STK33: variants seen among roughly 807,000 people sequenced by gnomAD.
The protein encoded by STK33 is serine/threonine kinase 33.
In STK33, 52 loss-of-function variants were observed where a neutral mutation model predicts 58.0. That is an observed-to-expected ratio of 0.90 (90% confidence interval 0.72 to 1.13). The LOEUF is 1.13. STK33 is among the 50% of genes most tolerant of loss of function. STK33 has a pLI of 0.00. For missense variants in STK33, 630 were observed against 604.2 expected, an observed-to-expected ratio of 1.04 and a Z score of -0.45; for synonymous variants, 215 against 200.1, an observed-to-expected ratio of 1.07 and a Z score of -0.63.
chr11:8,398,443 A>C (rs1382494586), intron 15 of STK33, among the ~76,000 whole-genome samples: 2 of 152,246 alleles, frequency 1.3e-5, no homozygotes, highest in South Asian at 2.1e-4. Flanking sequence ...GCCTGCCCTA[A>C]AAGAGCTCCC....
At chr11:8,352,046 T>C in the STK33 span, among the ~76,000 whole-genome samples, 1 of 152,132 alleles carries the variant, frequency 6.6e-6, no homozygotes, top group Non-Finnish European at 1.5e-5. Flanking sequence ...ATTGCAACTG[T>C]CCCAACAAAT....
At chr11:8,495,857 CA>C in intron 1 of STK33, among the ~76,000 whole-genome samples, 1 of 148,944 alleles carries the variant, frequency 6.7e-6, no homozygotes, top group African/African-American at 2.5e-5. Context: ...GACAGAAAAC[CA>C]AACACCAAAT....
At chr11:8,471,030 C>A (rs1481138281) in intron 6 of STK33, among the ~76,000 whole-genome samples, 1 of 152,142 alleles carries the variant, frequency 6.6e-6, no homozygotes, top group Admixed American at 6.5e-5. Flanking sequence ...TTGTAAAAAA[C>A]ACAAGATCTG....
At chr11:8,484,778 T>A (rs1189242924) in intron 1 of STK33, among the ~76,000 whole-genome samples, 1 of 152,206 alleles carries the variant, frequency 6.6e-6, no homozygotes, top group African/African-American at 2.4e-5. Flanking sequence ...ATTTATTTGG[T>A]GAGTTTTTGA....
chr11:8,546,043 T>C (rs1020693743), intron 1 of STK33, among the ~76,000 whole-genome samples: 1 of 152,212 alleles, frequency 6.6e-6, no homozygotes, highest in African/African-American at 2.4e-5. Flanking sequence ...TATTTGTGTA[T>C]CTAAACATAG....
At chr11:8,575,776 A>G (rs1958136829) in intron 1 of STK33, among the ~76,000 whole-genome samples, 1 of 152,198 alleles carries the variant, frequency 6.6e-6, no homozygotes, top group African/African-American at 2.4e-5. Flanking sequence ...ACAGATCACG[A>G]CCAAGTAGGG....
chr11:8,578,813 G>A (rs953666790), intron 1 of STK33, among the ~76,000 whole-genome samples: 3 of 151,850 alleles, frequency 2.0e-5, no homozygotes, highest in Non-Finnish European at 4.4e-5. Context: ...TATATGCAGA[G>A]GCTCTATTGG....
At chr11:8,454,870 T>A in intron 9 of STK33, 38 bp from the exon 10 acceptor site, 1 of 1,491,714 alleles carries the variant, frequency 6.7e-7, no homozygotes, top group Middle Eastern at 1.9e-4. Flanking sequence ...ATGAAATGAA[T>A]AATGGAAAAA....
In STK33 at chr11:8,439,333, T is replaced by A. The variant is rs1316496407; in HGVS notation, c.947+1345A>T. Among the ~76,000 whole-genome samples the A allele has an allele frequency of 2.6e-4, 40 of 152,280 alleles. No individual in the cohort carries two copies. The East Asian group carries it at 7.7e-3, about 29-fold the overall frequency. ...ATATATATAATATTATAATATGGTTTTTAAAAGCTTTATGAGGATACATAA... is the reference window on the plus strand; with the variant it reads ...ATATATATAATATTATAATATGGTTATTAAAAGCTTTATGAGGATACATAA... On this transcript the variant is annotated intron_variant, in intron 12 of 15. Transcript: ENST00000687296.
At chr11:8,574,751 T>C (rs1958058884) in intron 1 of STK33, among the ~76,000 whole-genome samples, 1 of 152,024 alleles carries the variant, frequency 6.6e-6, no homozygotes, top group South Asian at 2.1e-4. Flanking sequence ...TATAAAAGGA[T>C]AATGAGGCTA....
chr11:8,469,228 T>C (rs1948536892), intron 6 of STK33, among the ~76,000 whole-genome samples: 1 of 152,242 alleles, frequency 6.6e-6, no homozygotes, highest in Non-Finnish European at 1.5e-5. Context: ...AAGTTAGTCC[T>C]CTCAAACCCT....
At chr11:8,481,844 C>A (rs11041945) in intron 1 of STK33, among the ~76,000 whole-genome samples, 15,218 of 152,004 alleles carry the variant, frequency 0.1, 1,836 homozygotes, top group African/African-American at 0.3. Context: ...TATTGTCAAA[C>A]CCAAGGGCTT....
At chr11:8,560,708 A>T (rs1957062091) in intron 1 of STK33, among the ~76,000 whole-genome samples, 1 of 152,150 alleles carries the variant, frequency 6.6e-6, no homozygotes, top group Admixed American at 6.6e-5. Context: ...ATTTTTACTG[A>T]ATGCTTACTT....
At chr11:8,377,539 C>T in the STK33 span, among the ~76,000 whole-genome samples, 1 of 152,140 alleles carries the variant, frequency 6.6e-6, no homozygotes, top group Non-Finnish European at 1.5e-5. Context: ...AAAGGTGAAA[C>T]ATTCCCCCTG....
At position 8,442,484 on chromosome 11, in the gene STK33, T is replaced by C. The variant is rs149727191; in HGVS notation, c.872-1731A>G. On this transcript the variant is annotated intron_variant, in intron 11 of 15. Transcript: ENST00000687296. ...ATTTGCACTGTCATCCCAGCCCTCA[T>C]AGGGATGCAGAGGCCAGAGTAACTG... is the stretch of plus-strand genomic sequence containing the variant. 1.7e-3 allele frequency among the ~76,000 whole-genome samples: 266 copies of C among 152,238 alleles called. 1 individual carries two copies. The highest frequency in any genetic ancestry group is 6.2e-3 in the African/African-American group (257 of 41,540).
intron 6 of STK33, among the ~76,000 whole-genome samples, chr11:8,467,965 T>C (rs1463485593): frequency 3.9e-5 from 6 of 151,992 alleles, no homozygotes; most frequent in African/African-American, 1.5e-4. Context: ...AAGTCACTTC[T>C]ACATTTGTGG....
intron 1 of STK33, among the ~76,000 whole-genome samples, chr11:8,562,768 A>C (rs1957200139): frequency 6.6e-6 from 1 of 152,210 alleles, no homozygotes; most frequent in Non-Finnish European, 1.5e-5. Flanking sequence ...CTTAAAGTTC[A>C]TTCATTCATC....
intron 1 of STK33, among the ~76,000 whole-genome samples, chr11:8,562,059 T>A (rs1957149168): frequency 6.6e-6 from 1 of 152,190 alleles, no homozygotes; most frequent in Non-Finnish European, 1.5e-5. Context: ...TTAACTCCAA[T>A]TTCTAAAAAT....
chr11:8,510,294 A>G (rs549966540), intron 1 of STK33, among the ~76,000 whole-genome samples: 2 of 152,118 alleles, frequency 1.3e-5, no homozygotes, highest in Non-Finnish European at 2.9e-5. Flanking sequence ...CTGTCTGTAT[A>G]TCTTCTGTTG....
Sources: gnomAD v4.1 joint callset for allele counts (sites outside exome capture counted in the v4.1 genomes callset) on GRCh38, gnomAD v4.1.1 for gene constraint, MANE v1.5 for transcripts, NCBI Gene and HGNC (gene_info 2026-07-23, HGNC 2026-07-21) for gene names.